Variants in SEPTIN11 observed in about 807,000 individuals in gnomAD.
SEPTIN11 encodes the protein septin-11.
A neutral mutation model predicts 51.4 loss-of-function variants in SEPTIN11; 25 were observed. That is an observed-to-expected ratio of 0.49 (90% CI 0.35 to 0.68). The LOEUF is 0.68. Ranked by LOEUF, SEPTIN11 falls within the 30% of genes least tolerant of loss-of-function variation. The pLI is 0.00. For synonymous variants in SEPTIN11, 174 were observed against 184.1 expected (o/e 0.95, Z 0.44); for missense variants, 381 against 520.8 (o/e 0.73, Z 2.61).
At chr4:76,951,241 C>G (rs1447351747) in intron 1 of SEPTIN11, among the ~76,000 whole-genome samples, 2 of 152,154 alleles carry the variant, frequency 1.3e-5, no homozygotes, top group African/African-American at 4.8e-5. Flanking sequence ...GATTCTAATT[C>G]GATTTGGTGG....
At chr4:77,003,847 T>C (rs1310489736) in intron 2 of SEPTIN11, among the ~76,000 whole-genome samples, 1 of 152,170 alleles carries the variant, frequency 6.6e-6, no homozygotes, top group Non-Finnish European at 1.5e-5. Context: ...ATCCTTAAAG[T>C]CATTATAGCA....
intron 1 of SEPTIN11, among the ~76,000 whole-genome samples, chr4:76,961,967 A>G (rs929169611): frequency 2.6e-5 from 4 of 152,260 alleles, no homozygotes; most frequent in African/African-American, 7.2e-5. Context: ...TCTATGAAAT[A>G]TAAGTGCAAA....
chr4:76,997,813 A>G (rs7692644), intron 2 of SEPTIN11, among the ~76,000 whole-genome samples: 83,398 of 152,000 alleles, frequency 0.55, 23,631 homozygotes, highest in Middle Eastern at 0.64. Context: ...ATTTGTTGGC[A>G]ATTTGTTGGG....
rs1472573124 is a variant in SEPTIN11, at chr4:77,036,239, G to A, written c.*1727G>A. 4 of 1,011,756 alleles carry A rather than the reference G, an allele frequency of 4.0e-6. 1 individual carries two copies. The highest frequency in any genetic ancestry group is 7.9e-5 in the South Asian group (2 of 25,288). The allele number at this position is 1,011,756 out of a possible 1,614,324, so 62.7% of individuals were successfully genotyped here. On this transcript the variant is annotated 3_prime_UTR_variant, in exon 10 of 10. Transcript: ENST00000264893. ...ACAGCAGTAGTCATAGTCTTCACAG[G>A]TTTAGGAGCTACTGGACCAACATTC...
intron 1 of SEPTIN11, chr4:76,987,926 T>C (rs1723129775): frequency 1.7e-6 from 1 of 587,292 alleles, no homozygotes; most frequent in Non-Finnish European, 2.1e-6. Context: ...AAGACAGAGC[T>C]CAAAGGAGTG....
At chr4:77,012,034 ACAGTGTTTGACAGCATGAG>A in intron 4 of SEPTIN11, 113 bp downstream of exon 4, 2 of 743,584 alleles carry the variant, frequency 2.7e-6, no homozygotes, top group Non-Finnish European at 4.1e-6. Flanking sequence ...GATTACAGGA[ACAGTGTTTGACAGCATGAG>A]AAAAACGCTT....
At position 76,949,837 on chromosome 4, in the gene SEPTIN11, A is replaced by C. The variant is rs1721233436; in HGVS notation, c.-67A>C. On this transcript the variant is annotated 5_prime_UTR_variant, in exon 1 of 10. Transcript: ENST00000264893. ...CGCGAGGGAGGCGAGCCGGAGCCCGAGCACTAGCAGCAGCCGGAGTCGGCG... is the reference window on the plus strand; with the variant it reads ...CGCGAGGGAGGCGAGCCGGAGCCCGCGCACTAGCAGCAGCCGGAGTCGGCG... The C allele has an allele frequency of 1.3e-6, 2 of 1,483,164 alleles. No homozygotes were observed. Among genetic ancestry groups the C allele is most frequent in the Non-Finnish European group, 1.8e-6 (2 of 1,112,618 alleles). The allele number at this position is 1,483,164 out of a possible 1,614,324, so 91.9% of individuals were successfully genotyped here.
intron 1 of SEPTIN11, among the ~76,000 whole-genome samples, chr4:76,966,911 G>A (rs937516672): frequency 2.3e-4 from 34 of 150,904 alleles, no homozygotes; most frequent in Non-Finnish European, 4.6e-4. Flanking sequence ...ATGCTTTATT[G>A]TAGTTAGAAA....
At chr4:76,960,688 C>T (rs967638538) in intron 1 of SEPTIN11, among the ~76,000 whole-genome samples, 4 of 152,180 alleles carry the variant, frequency 2.6e-5, no homozygotes, top group Admixed American at 2.0e-4. Flanking sequence ...TCTTGAAAAA[C>T]TTATGCTTTT....
rs776740874 is a variant in SEPTIN11 at position 77,011,744 on chromosome 4, G to A, written c.348G>A (p.Pro116=). The change falls in exon 4 of 10, where the codon CCG becomes CCA. Residue 116 remains proline, a synonymous_variant. Coordinates refer to ENST00000264893, the MANE Select transcript of SEPTIN11 (RefSeq NM_018243.4). ...TGTTTCTGCATTCTAGCTATAAGCCGATAGTAGAATATATTGATGCCCAGT... is the reference window on the plus strand; with the variant it reads ...TGTTTCTGCATTCTAGCTATAAGCCAATAGTAGAATATATTGATGCCCAGT... The part of the protein sequence containing the change: ...DQINKDDSYK[P]IVEYIDAQFE... 1.7e-5 allele frequency: 27 copies of A among 1,613,800 alleles called. No homozygotes were observed. The highest frequency in any genetic ancestry group is 1.0e-4 in the Admixed American group (6 of 60,000).
At chr4:76,990,087 C>T (rs1373674435) in intron 1 of SEPTIN11, among the ~76,000 whole-genome samples, 1 of 152,092 alleles carries the variant, frequency 6.6e-6, no homozygotes, top group Admixed American at 6.5e-5. Context: ...GGGTGGCCAG[C>T]TTTTATTCCC....
intron 1 of SEPTIN11, among the ~76,000 whole-genome samples, chr4:76,956,147 A>G (rs1721547401): frequency 2.0e-5 from 3 of 152,200 alleles, no homozygotes; most frequent in Non-Finnish European, 1.5e-5. Context: ...GGTACTCATT[A>G]AACTTACTCT....
chr4:77,017,048 A>C (rs1725359397), intron 5 of SEPTIN11, among the ~76,000 whole-genome samples: 2 of 152,104 alleles, frequency 1.3e-5, no homozygotes, highest in Non-Finnish European at 2.9e-5. Flanking sequence ...GAAGGTCAAA[A>C]TCTCAAACTG....
intron 5 of SEPTIN11, 111 bp downstream of exon 5, chr4:77,015,128 C>A: frequency 2.0e-6 from 2 of 1,008,564 alleles, no homozygotes; most frequent in Non-Finnish European, 2.8e-6. Context: ...ATGACTTCAG[C>A]TGTAGTCCAG....
At chr4:77,011,981 C>A in intron 4 of SEPTIN11, 60 bp downstream of exon 4, 4 of 1,443,206 alleles carry the variant, frequency 2.8e-6, no homozygotes, top group Non-Finnish European at 3.8e-6. Flanking sequence ...TATCCTAATG[C>A]CCTAATTTGT....
At chr4:76,971,637 T>C (rs1722247802) in intron 1 of SEPTIN11, among the ~76,000 whole-genome samples, 1 of 152,148 alleles carries the variant, frequency 6.6e-6, no homozygotes, top group Admixed American at 6.5e-5. Flanking sequence ...GATCAGAATA[T>C]TGAGGAGGTT....
At position 76,996,415 on chromosome 4, in the gene SEPTIN11, G is replaced by GA; in HGVS notation, c.28-7dup. The GA allele has an allele frequency of 1.2e-6, 2 of 1,602,062 alleles. No homozygotes were observed. The highest frequency in any genetic ancestry group is 8.6e-7 in the Non-Finnish European group (1 of 1,169,044). On this transcript the variant is annotated splice_polypyrimidine_tract_variant and intron_variant, in intron 1 of 9. Transcript: ENST00000264893. ...ATGGACACTCAAATCTTTCTCCCCT[G>GA]AAATTGCAGAATGAAGAGCTTCGAA...
intron 8 of SEPTIN11, among the ~76,000 whole-genome samples, chr4:77,029,459 A>C (rs557427029): frequency 1.6e-4 from 25 of 152,232 alleles, no homozygotes; most frequent in African/African-American, 5.5e-4. Flanking sequence ...CATTTAAATA[A>C]ATTTCCTCGT....
intron 1 of SEPTIN11, chr4:76,995,785 C>G: frequency 2.0e-6 from 3 of 1,520,700 alleles, no homozygotes; most frequent in Non-Finnish European, 2.6e-6. Flanking sequence ...CCCTAGTCTA[C>G]ATCGGTAAAC....
Sources: gnomAD v4.1 joint callset for allele counts (sites outside exome capture counted in the v4.1 genomes callset) on GRCh38, gnomAD v4.1.1 for gene constraint, MANE v1.5 for transcripts, NCBI Gene and HGNC (gene_info 2026-07-23, HGNC 2026-07-21) for gene names.